The following MERTK variants were observed in gnomAD, a reference collection of about 807,000 sequenced individuals.
MERTK encodes MER proto-oncogene, tyrosine kinase, also known as tyrosine-protein kinase Mer.
Under a neutral mutation model 99.3 loss-of-function variants are expected in MERTK, and 69 were observed. That is an observed-to-expected ratio of 0.70 (90% CI 0.57 to 0.85). The LOEUF is 0.85. Among genes scored for constraint, MERTK ranks in the 40% least tolerant of loss-of-function variants. MERTK has a pLI of 0.00. For missense variants in MERTK, 1,125 were observed against 1,249.4 expected, an observed-to-expected ratio of 0.90 and a Z score of 1.50; for synonymous variants, 426 against 467.6, an observed-to-expected ratio of 0.91 and a Z score of 1.15.
In MERTK at chr2:111,978,857, C is replaced by T. The variant is rs141347528; in HGVS notation, c.1144+3385C>T. ...AGACACAGTTAAGCTAGTGGGAAAC[C>T]GTTTAATCCTGTAGGGTCTTGCTTT... On this transcript the variant is annotated intron_variant, in intron 7 of 18. Coordinates refer to ENST00000295408, the MANE Select transcript of MERTK (RefSeq NM_006343.3). Among the ~76,000 whole-genome samples, 12 of 152,212 alleles carry T rather than the reference C, an allele frequency of 7.9e-5. No homozygotes were observed. The East Asian group carries it at 1.9e-3, about 24-fold the overall frequency.
intron 18 of MERTK, among the ~76,000 whole-genome samples, chr2:112,027,141 A>G (rs566278798): frequency 6.6e-6 from 1 of 151,902 alleles, no homozygotes; most frequent in Admixed American, 6.6e-5. Context: ...TTAAAAAAAT[A>G]AATACATCTA....
chr2:111,971,206 A>T (rs1380311607), intron 6 of MERTK, among the ~76,000 whole-genome samples: 1 of 151,714 alleles, frequency 6.6e-6, no homozygotes, highest in Non-Finnish European at 1.5e-5. Flanking sequence ...CTTCTCTCTT[A>T]TTTTTCTTAG....
At chr2:111,951,549 A>ATATATATATATATATG (rs1685057322) in intron 4 of MERTK, among the ~76,000 whole-genome samples, 19 of 118,772 alleles carry the variant, frequency 1.6e-4, no homozygotes, top group Non-Finnish European at 3.3e-4. Flanking sequence ...ATATATATAT[A>ATATATATATATATATG]CCATAATTTT....
intron 6 of MERTK, among the ~76,000 whole-genome samples, chr2:111,969,815 C>T (rs1676054393): frequency 6.6e-6 from 1 of 151,870 alleles, no homozygotes; most frequent in East Asian, 1.9e-4. Context: ...CCTCAGCCTC[C>T]TGAGTAGCTG....
chr2:111,916,787 G>T (rs993823338), intron 1 of MERTK, among the ~76,000 whole-genome samples: 3 of 152,026 alleles, frequency 2.0e-5, no homozygotes, highest in African/African-American at 7.3e-5. Context: ...TGAGACCCTG[G>T]ATCTTAGTTT....
At position 112,004,273 on chromosome 2, in the gene MERTK, C is replaced by G. The variant is rs370120819; in HGVS notation, c.1867+289C>G. Among the ~76,000 whole-genome samples the G allele has an allele frequency of 1.0e-3, 153 of 152,238 alleles. 1 individual carries two copies. Among genetic ancestry groups the G allele is most frequent in the African/African-American group, 3.6e-3 (148 of 41,530 alleles). ...TCTCACTGTCTCTCTTTCTCTCACTCTCATCTAGTAGAGCTAACAACTCCA... is the reference window on the plus strand; with the variant it reads ...TCTCACTGTCTCTCTTTCTCTCACTGTCATCTAGTAGAGCTAACAACTCCA... On this transcript the variant is annotated intron_variant, in intron 13 of 18. Transcript: ENST00000295408.
chr2:112,010,379 C>G (rs2104413386), intron 15 of MERTK: 1 of 325,140 alleles, frequency 3.1e-6, no homozygotes, highest in Non-Finnish European at 6.0e-6. Flanking sequence ...CGCATACTCC[C>G]CAGAGCTTGC....
In MERTK at chr2:111,929,407, A is replaced by G; in HGVS notation, c.349A>G (p.Ile117Val). The G allele has an allele frequency of 1.2e-6, 2 of 1,614,130 alleles. No individual in the cohort carries two copies. The highest frequency in any genetic ancestry group is 1.7e-6 in the Non-Finnish European group (2 of 1,180,024). Residue 117 changes from isoleucine (I) to valine (V), a missense_variant, in exon 2 of 19, where the codon ATC becomes GTC. Coordinates refer to ENST00000295408, the MANE Select transcript of MERTK (RefSeq NM_006343.3). ...TAAAGGTGTCAAATTTAATTGCTCA[A>G]TCAGTGTACCTAATATATACCAGGA... ...EHKGVKFNCS[I>V]SVPNIYQDTT...
intron 1 of MERTK, among the ~76,000 whole-genome samples, chr2:111,925,292 A>ATATTTTTTTTTTT (rs372747015): frequency 8.2e-5 from 2 of 24,500 alleles, no homozygotes; most frequent in Non-Finnish European, 1.5e-4. Flanking sequence ...ATATATATAT[A>ATATTTTTTTTTTT]TTTTTTTTTT....
At chr2:111,980,715 G>T (rs891924677) in intron 7 of MERTK, among the ~76,000 whole-genome samples, 3 of 152,136 alleles carry the variant, frequency 2.0e-5, no homozygotes, top group South Asian at 2.1e-4. Flanking sequence ...ACTGCGCCCG[G>T]CAGAGACACA....
At position 112,021,519 on chromosome 2, in the gene MERTK, C is replaced by T; in HGVS notation, c.2287C>T (p.Pro763Ser). The T allele has an allele frequency of 1.2e-6, 2 of 1,613,920 alleles. No individual in the cohort carries two copies. The highest frequency in any genetic ancestry group is 1.7e-6 in the Non-Finnish European group (2 of 1,179,916). ...CCGCCAAGGCCGCATTGCTAAGATG[C>T]CTGTTAAATGGATCGCCATAGAAAG... ...YYRQGRIAKM[P>S]VKWIAIESLA... The change falls in exon 17 of 19, where the codon CCT (proline) becomes TCT (serine). Residue 763 changes from proline to serine, a missense_variant. Physicochemically the swap from Pro to Ser is moderately conservative, Grantham distance 74. Coordinates refer to ENST00000295408, the MANE Select transcript of MERTK (RefSeq NM_006343.3).
At chr2:111,970,865 CCTT>C (rs911314632) in intron 6 of MERTK, among the ~76,000 whole-genome samples, 11 of 140,540 alleles carry the variant, frequency 7.8e-5, no homozygotes, top group Admixed American at 4.3e-4. Context: ...TCCTTCTCCT[CCTT>C]CTTCTCCTTC....
chr2:111,980,188 G>A (rs546278602), intron 7 of MERTK, among the ~76,000 whole-genome samples: 2 of 152,120 alleles, frequency 1.3e-5, no homozygotes, highest in South Asian at 2.1e-4. Context: ...GTAGCCAAGT[G>A]GGGGAGGAGG....
intron 7 of MERTK, among the ~76,000 whole-genome samples, chr2:111,978,735 C>T (rs531037283): frequency 1.6e-4 from 24 of 152,228 alleles, no homozygotes; most frequent in Non-Finnish European, 2.9e-4. Flanking sequence ...GTTCTTTGCA[C>T]GCCTGATAAT....
chr2:112,015,749 C>T (rs1393950743), intron 15 of MERTK: 1 of 153,544 alleles, frequency 6.5e-6, no homozygotes, highest in Non-Finnish European at 1.5e-5. Context: ...TTGCCTAACC[C>T]CTAGTAAAAA....
chr2:112,023,267 A>G (rs1010290473), intron 18 of MERTK, among the ~76,000 whole-genome samples: 17 of 152,078 alleles, frequency 1.1e-4, no homozygotes, highest in Non-Finnish European at 2.1e-4. Context: ...ACAAAAAATT[A>G]GCCGGGTGTG....
intron 1 of MERTK, among the ~76,000 whole-genome samples, chr2:111,927,320 T>C (rs1435224950): frequency 6.6e-6 from 1 of 152,200 alleles, no homozygotes; most frequent in East Asian, 1.9e-4. Context: ...TGCCCTTCAG[T>C]TGAGGCATAT....
intron 1 of MERTK, among the ~76,000 whole-genome samples, chr2:111,928,243 T>G (rs1373140605): frequency 1.2e-5 from 1 of 81,230 alleles, no homozygotes; most frequent in African/African-American, 4.5e-5. Flanking sequence ...TTTTTTTTTT[T>G]GAGACAGGGT....
intron 2 of MERTK, among the ~76,000 whole-genome samples, chr2:111,943,557 T>C (rs1684902929): frequency 1.3e-5 from 2 of 152,002 alleles, no homozygotes; most frequent in Admixed American, 6.6e-5. Flanking sequence ...TAAAATAAAA[T>C]GTGCATTTCA....
Sources: allele counts gnomAD v4.1 joint callset (sites outside exome capture counted in the v4.1 genomes callset), GRCh38; gene constraint gnomAD v4.1.1; transcripts MANE v1.5; gene names NCBI Gene and HGNC (gene_info 2026-07-23, HGNC 2026-07-21).